MDGA2: variants seen among roughly 807,000 people sequenced by gnomAD.
The protein encoded by MDGA2 is MAM domain-containing glycosylphosphatidylinositol anchor protein 2.
In MDGA2, 40 loss-of-function variants were observed where a neutral mutation model predicts 117.8. The observed-to-expected ratio is 0.34, with a 90% CI of 0.26 to 0.44. The LOEUF (loss-of-function observed/expected upper bound fraction) is 0.44. Among genes scored for constraint, MDGA2 ranks in the 20% least tolerant of loss-of-function variants. The pLI is 1.00. For missense variants in MDGA2, 1,123 were observed against 1,250.6 expected (o/e 0.90, Z 1.54); for synonymous variants, 452 against 439.0 (o/e 1.03, Z -0.37).
At chr14:47,428,598 A>G (rs1892736875) in intron 1 of MDGA2, among the ~76,000 whole-genome samples, 1 of 152,074 alleles carries the variant, frequency 6.6e-6, no homozygotes, top group Admixed American at 6.6e-5. Context: ...GTATTCTACT[A>G]TCTCATTATC....
intron 1 of MDGA2, among the ~76,000 whole-genome samples, chr14:47,563,517 A>T (rs552061248): frequency 6.9e-6 from 1 of 145,786 alleles, no homozygotes; most frequent in African/African-American, 2.6e-5. Flanking sequence ...CTTTAAAAAA[A>T]TTTTTGTTGG....
At chr14:47,139,024 T>C (rs893710831) in intron 4 of MDGA2, among the ~76,000 whole-genome samples, 1 of 152,126 alleles carries the variant, frequency 6.6e-6, no homozygotes, top group Non-Finnish European at 1.5e-5. Context: ...CAAATTGCTA[T>C]AGTTATTAAC....
chr14:47,117,799 C>G (rs530976896), intron 5 of MDGA2, among the ~76,000 whole-genome samples: 1 of 152,146 alleles, frequency 6.6e-6, no homozygotes, highest in African/African-American at 2.4e-5. Context: ...AAGTTTAAGT[C>G]AAGCAAGAAG....
intron 1 of MDGA2, among the ~76,000 whole-genome samples, chr14:47,598,565 G>C (rs1461251762): frequency 1.3e-5 from 2 of 152,122 alleles, no homozygotes; most frequent in Non-Finnish European, 2.9e-5. Flanking sequence ...GAATAATTCA[G>C]ACACAAAAGT....
At position 47,530,555 on chromosome 14, in the gene MDGA2, C is replaced by T. The variant is rs189551312; in HGVS notation, c.280+143962G>A. On this transcript the variant is annotated intron_variant, in intron 1 of 16. Transcript: ENST00000399232. The stretch of plus-strand genomic sequence containing the variant: ...GTGACCTTCTCACCTCATAATCAAA[C>T]GATCCTAAATCCCTCATTAACTTAC... Among the ~76,000 whole-genome samples the T allele has an allele frequency of 1.9e-3, 290 of 152,250 alleles. 3 individuals are homozygous for T. The highest frequency in any genetic ancestry group is 6.6e-3 in the African/African-American group (275 of 41,544).
intron 2 of MDGA2, among the ~76,000 whole-genome samples, chr14:47,267,194 C>T (rs975609336): frequency 5.3e-5 from 8 of 152,062 alleles, no homozygotes; most frequent in African/African-American, 1.9e-4. Flanking sequence ...TTTGACCTCT[C>T]CACTTTGATC....
At chr14:46,987,963 T>G (rs954905836) in intron 8 of MDGA2, among the ~76,000 whole-genome samples, 1 of 151,764 alleles carries the variant, frequency 6.6e-6, no homozygotes, top group Non-Finnish European at 1.5e-5. Context: ...TGTTGTAATT[T>G]GCTGTAGAAG....
At chr14:47,298,677 A>ATT (rs1475369629) in intron 2 of MDGA2, among the ~76,000 whole-genome samples, 1 of 112,754 alleles carries the variant, frequency 8.9e-6, no homozygotes, top group Non-Finnish European at 1.9e-5. Flanking sequence ...GGCCCACTTA[A>ATT]TTTTTCTTTT....
intron 1 of MDGA2, among the ~76,000 whole-genome samples, chr14:47,326,132 T>C (rs1038938872): frequency 6.6e-6 from 1 of 152,132 alleles, no homozygotes; most frequent in African/African-American, 2.4e-5. Flanking sequence ...CTAAATTACC[T>C]ACTTCAGTGA....
At chr14:47,441,283 G>A (rs1487366577) in intron 1 of MDGA2, among the ~76,000 whole-genome samples, 1 of 152,000 alleles carries the variant, frequency 6.6e-6, no homozygotes, top group African/African-American at 2.4e-5. Flanking sequence ...GAAATAGAAT[G>A]GGCTCACAAT....
chr14:47,326,700 C>CAT (rs1232583285), intron 1 of MDGA2, among the ~76,000 whole-genome samples: 4 of 151,664 alleles, frequency 2.6e-5, no homozygotes, highest in Non-Finnish European at 5.9e-5. Context: ...CACACACACA[C>CAT]ACACACAATT....
At chr14:47,335,701 T>C (rs1002396385) in intron 1 of MDGA2, among the ~76,000 whole-genome samples, 5 of 142,532 alleles carry the variant, frequency 3.5e-5, no homozygotes, top group African/African-American at 1.1e-4. Context: ...AGATTATATG[T>C]ATATGTTACA....
chr14:47,408,872 G>T (rs764073984), intron 1 of MDGA2, among the ~76,000 whole-genome samples: 74 of 152,064 alleles, frequency 4.9e-4, no homozygotes, highest in Non-Finnish European at 9.7e-4. Flanking sequence ...TTATCAAGAA[G>T]GTAATATTTG....
At chr14:47,057,818 C>T (rs1283009311) in intron 7 of MDGA2, among the ~76,000 whole-genome samples, 1 of 151,798 alleles carries the variant, frequency 6.6e-6, no homozygotes, top group Non-Finnish European at 1.5e-5. Context: ...GAAGTGGTAC[C>T]ATGATAGCTC....
rs548754541 is a variant in MDGA2 at position 47,446,036 on chromosome 14, C to A, written c.281-144486G>T. ...CACATAGCTTTGTAGTCTTAGCCTG[C>A]AAAATTGTTTAACTATTATTTTTTC... On this transcript the variant is annotated intron_variant, in intron 1 of 16. Transcript: ENST00000399232. 1.1e-3 allele frequency among the ~76,000 whole-genome samples: 171 copies of A among 152,248 alleles called. 2 individuals carry two copies. Among genetic ancestry groups the A allele is most frequent in the African/African-American group, 4.0e-3 (166 of 41,556 alleles).
At chr14:47,544,517 G>A (rs1218524436) in intron 1 of MDGA2, among the ~76,000 whole-genome samples, 1 of 152,126 alleles carries the variant, frequency 6.6e-6, no homozygotes, top group East Asian at 1.9e-4. Context: ...CTCCAGCAAA[G>A]ATGCTTCCTC....
chr14:46,959,251 ATGTGTG>A (rs3985119), intron 8 of MDGA2, among the ~76,000 whole-genome samples: 34,616 of 139,308 alleles, frequency 0.25, 4,923 homozygotes, highest in Non-Finnish European at 0.34. Context: ...AATGCTATAT[ATGTGTG>A]TGTGTGTGTG....
At chr14:47,419,622 T>C (rs1047021858) in intron 1 of MDGA2, among the ~76,000 whole-genome samples, 11 of 152,280 alleles carry the variant, frequency 7.2e-5, no homozygotes, top group African/African-American at 2.6e-4. Context: ...CTTATTTACA[T>C]ATGCCAGCTA....
At chr14:46,875,335 A>G (rs1009968001) in intron 12 of MDGA2, among the ~76,000 whole-genome samples, 2 of 151,754 alleles carry the variant, frequency 1.3e-5, no homozygotes, top group Admixed American at 6.6e-5. Flanking sequence ...TACAAATAAA[A>G]ATAAAACAGA....
Sources: gnomAD v4.1 joint callset for allele counts (sites outside exome capture counted in the v4.1 genomes callset) on GRCh38, gnomAD v4.1.1 for gene constraint, MANE v1.5 for transcripts, NCBI Gene and HGNC (gene_info 2026-07-23, HGNC 2026-07-21) for gene names.